HS6ST3: variants seen among roughly 807,000 people sequenced by gnomAD.
HS6ST3 encodes heparan sulfate 6-O-sulfotransferase 3, also known as heparan-sulfate 6-O-sulfotransferase 3.
HS6ST3 carries 12 observed loss-of-function variants against 36.7 expected under a neutral mutation model. The ratio of observed to expected loss-of-function variants is 0.33; its 90% CI spans 0.21 to 0.53. HS6ST3 has a LOEUF of 0.53. HS6ST3 is among the 20% of genes least tolerant of loss of function. The probability of loss-of-function intolerance (pLI) is 0.95; values close to 1 mark genes in which losing one functional copy is unlikely to be tolerated. For missense variants in HS6ST3, 584 were observed against 640.9 expected (o/e 0.91, Z 0.96); for synonymous variants, 240 against 257.5 (o/e 0.93, Z 0.65).
At chr13:96,446,607 G>A (rs779141571) in intron 1 of HS6ST3, among the ~76,000 whole-genome samples, 2 of 152,214 alleles carry the variant, frequency 1.3e-5, no homozygotes, top group African/African-American at 4.8e-5. Context: ...TTATTCTGGC[G>A]GTTTCTTTTT....
At chr13:96,237,645 T>C (rs1300912661) in intron 1 of HS6ST3, among the ~76,000 whole-genome samples, 2 of 152,228 alleles carry the variant, frequency 1.3e-5, no homozygotes, top group Non-Finnish European at 2.9e-5. Flanking sequence ...GTGTGCTGTC[T>C]CTAATGCTTT....
chr13:96,277,891 T>C (rs2054756045), intron 1 of HS6ST3, among the ~76,000 whole-genome samples: 1 of 152,184 alleles, frequency 6.6e-6, no homozygotes, highest in Non-Finnish European at 1.5e-5. Flanking sequence ...TTGTCAGCTA[T>C]GGGAAAAATA....
chr13:96,190,275 C>G (rs2054282944), intron 1 of HS6ST3, among the ~76,000 whole-genome samples: 1 of 152,198 alleles, frequency 6.6e-6, no homozygotes, highest in African/African-American at 2.4e-5. Flanking sequence ...TATTGGGTCT[C>G]TGCCTGGGCA....
At chr13:96,791,180 T>C (rs1470853757) in intron 1 of HS6ST3, among the ~76,000 whole-genome samples, 2 of 152,052 alleles carry the variant, frequency 1.3e-5, no homozygotes, top group Non-Finnish European at 2.9e-5. Context: ...AGCGAATAAT[T>C]TTTCCAAACT....
intron 1 of HS6ST3, among the ~76,000 whole-genome samples, chr13:96,287,781 A>G (rs1047363258): frequency 3.3e-5 from 5 of 151,852 alleles, no homozygotes; most frequent in Non-Finnish European, 5.9e-5. Flanking sequence ...CCTTCTTTTT[A>G]TTCTTTAATT....
At chr13:96,398,191 A>G (rs924051651) in intron 1 of HS6ST3, among the ~76,000 whole-genome samples, 1 of 152,198 alleles carries the variant, frequency 6.6e-6, no homozygotes, top group African/African-American at 2.4e-5. Context: ...GCTGCTTTCT[A>G]CTATGTTTCT....
At chr13:96,709,595 T>C (rs576131596) in intron 1 of HS6ST3, among the ~76,000 whole-genome samples, 1 of 152,266 alleles carries the variant, frequency 6.6e-6, no homozygotes, top group East Asian at 1.9e-4. Flanking sequence ...AAGAGAGAGA[T>C]GATTTCTCTC....
At chr13:96,503,106 T>A (rs2056012062) in intron 1 of HS6ST3, among the ~76,000 whole-genome samples, 1 of 152,208 alleles carries the variant, frequency 6.6e-6, no homozygotes, top group Non-Finnish European at 1.5e-5. Context: ...ATGTGGTTTT[T>A]TTTTGTGTGT....
At chr13:96,799,283 A>G (rs919668273) in intron 1 of HS6ST3, among the ~76,000 whole-genome samples, 1 of 152,004 alleles carries the variant, frequency 6.6e-6, no homozygotes, top group African/African-American at 2.4e-5. Flanking sequence ...TTGTTTCCTG[A>G]CTTTTTAATG....
At chr13:96,207,116 C>T (rs2054374328) in intron 1 of HS6ST3, among the ~76,000 whole-genome samples, 1 of 151,812 alleles carries the variant, frequency 6.6e-6, no homozygotes, top group South Asian at 2.1e-4. Context: ...AAGAAAAAAC[C>T]TAAACAACCC....
chr13:96,329,964 G>C (rs1481831019), intron 1 of HS6ST3, among the ~76,000 whole-genome samples: 3 of 150,728 alleles, frequency 2.0e-5, no homozygotes, highest in East Asian at 2.0e-4. Context: ...TTTGATCTTT[G>C]TTGGTTTAAA....
intron 1 of HS6ST3, among the ~76,000 whole-genome samples, chr13:96,803,042 C>G (rs1019545700): frequency 2.6e-5 from 4 of 152,152 alleles, no homozygotes; most frequent in African/African-American, 9.7e-5. Context: ...TACTTTATGA[C>G]AAACACTGTC....
intron 1 of HS6ST3, among the ~76,000 whole-genome samples, chr13:96,402,051 TC>T (rs71419734): frequency 6.6e-6 from 1 of 152,180 alleles, no homozygotes; most frequent in Admixed American, 6.5e-5. Context: ...CAAGAAATTC[TC>T]CCATCTCAGC....
At chr13:96,304,713 T>TTC (rs1364311030) in intron 1 of HS6ST3, among the ~76,000 whole-genome samples, 1 of 67,890 alleles carries the variant, frequency 1.5e-5, no homozygotes. Flanking sequence ...CTTTCTTTCT[T>TTC]TTTTTTTTTT....
chr13:96,352,974 G>A (rs895037660), intron 1 of HS6ST3, among the ~76,000 whole-genome samples: 1 of 151,606 alleles, frequency 6.6e-6, no homozygotes, highest in Admixed American at 6.6e-5. Flanking sequence ...AACCCAGGCT[G>A]TGTGGCTCTA....
chr13:96,230,723 A>C (rs2054503950), intron 1 of HS6ST3, among the ~76,000 whole-genome samples: 1 of 152,102 alleles, frequency 6.6e-6, no homozygotes, highest in South Asian at 2.1e-4. Context: ...AATGGAACTA[A>C]ATTGCTTTTG....
At chr13:96,704,856 C>T (rs534572884) in intron 1 of HS6ST3, among the ~76,000 whole-genome samples, 1 of 152,256 alleles carries the variant, frequency 6.6e-6, no homozygotes, top group South Asian at 2.1e-4. Context: ...TGTTAAGGGT[C>T]CAAGTTGCCT....
At position 96,433,295 on chromosome 13, in the gene HS6ST3, C is replaced by T. The variant is rs1183381139; in HGVS notation, c.707+341726C>T. ...GGGGTGAGCCCTAATCCAAAAAAGA[C>T]AGGTATCCCTATAAGAAGAGAAAAT... On this transcript the variant is annotated intron_variant, in intron 1 of 1. Transcript: ENST00000376705. Among the ~76,000 whole-genome samples the T allele has an allele frequency of 2.0e-5, 3 of 152,096 alleles. No individual in the cohort carries two copies. The South Asian group carries it at 6.2e-4, about 32-fold the overall frequency.
At chr13:96,627,250 G>A (rs907469957) in intron 1 of HS6ST3, among the ~76,000 whole-genome samples, 1 of 151,938 alleles carries the variant, frequency 6.6e-6, no homozygotes, top group African/African-American at 2.4e-5. Context: ...AATGTGTGTT[G>A]AGTTTTAACC....
Sources: gnomAD v4.1 joint callset for allele counts (sites outside exome capture counted in the v4.1 genomes callset) on GRCh38, gnomAD v4.1.1 for gene constraint, MANE v1.5 for transcripts, NCBI Gene and HGNC (gene_info 2026-07-23, HGNC 2026-07-21) for gene names.